The following OSBP variants were observed in gnomAD, a reference collection of about 807,000 sequenced individuals.
OSBP encodes the protein oxysterol binding protein.
Under a neutral mutation model 96.6 loss-of-function variants are expected in OSBP, and 32 were observed. The observed-to-expected ratio is 0.33, with a 90% confidence interval of 0.25 to 0.45. The LOEUF (loss-of-function observed/expected upper bound fraction) is 0.45, where lower values mean the gene tolerates loss of function less well. Ranked by LOEUF, OSBP falls within the 20% of genes least tolerant of loss-of-function variation. The pLI, the probability that OSBP is intolerant of heterozygous loss-of-function variation, is 1.00. For synonymous variants in OSBP, 369 were observed against 389.6 expected, an observed-to-expected ratio of 0.95 and a Z score of 0.62; for missense variants, 653 against 1,029.7, an observed-to-expected ratio of 0.63 and a Z score of 5.01.
At position 59,601,628 on chromosome 11, in the gene OSBP, T is replaced by C. The variant is rs772577048; in HGVS notation, c.1021+12A>G. ...ACCTTAGACCAGGCTACCTGAGAGC[T>C]AAGTGTCTTACCTTTACCAGAACCC... On this transcript the variant is annotated intron_variant, in intron 4 of 13. Transcript: ENST00000263847. The C allele has an allele frequency of 3.8e-5, 62 of 1,611,970 alleles. No homozygotes were observed. Among genetic ancestry groups the C allele is most frequent in the Non-Finnish European group, 5.2e-5 (61 of 1,179,666 alleles).
In OSBP at chr11:59,608,483, C is replaced by T; in HGVS notation, c.822+1G>A. ...GCAACACAGACACCATCTGCACTCA[C>T]GTTGATCATGGCATTGGATGTTATC... On this transcript the variant is annotated splice_donor_variant, in intron 3 of 13. Transcript: ENST00000263847. LOFTEE classifies it high-confidence loss of function. 3.1e-6 allele frequency: 5 copies of T among 1,614,162 alleles called. No homozygotes were observed. Among genetic ancestry groups the T allele is most frequent in the Non-Finnish European group, 4.2e-6 (5 of 1,180,014 alleles).
chr11:59,613,730 G>C (rs1452403023), intron 1 of OSBP, among the ~76,000 whole-genome samples: 2 of 152,312 alleles, frequency 1.3e-5, no homozygotes, highest in Middle Eastern at 3.4e-3. Flanking sequence ...AATCAATTCT[G>C]AATACAGTAA....
chr11:59,610,295 T>C (rs2134709542), intron 2 of OSBP, 86 bp downstream of exon 2: 2 of 1,115,768 alleles, frequency 1.8e-6, no homozygotes, highest in East Asian at 2.4e-5. Flanking sequence ...GATAATCAAA[T>C]GACACAGCAT....
intron 7 of OSBP, among the ~76,000 whole-genome samples, chr11:59,594,690 T>A (rs983031191): frequency 6.6e-6 from 1 of 152,268 alleles, no homozygotes; most frequent in Non-Finnish European, 1.5e-5. Context: ...AGTACAGCTA[T>A]ATCCTGACTA....
intron 3 of OSBP, among the ~76,000 whole-genome samples, chr11:59,603,475 C>A (rs570537641): frequency 6.6e-6 from 1 of 150,956 alleles, no homozygotes; most frequent in Non-Finnish European, 1.5e-5. Context: ...CCCTATTCAA[C>A]GGCTCAAAGT....
intron 7 of OSBP, 138 bp downstream of exon 7, chr11:59,600,358 A>T: frequency 1.1e-6 from 1 of 870,060 alleles, no homozygotes; most frequent in Non-Finnish European, 1.7e-6. Context: ...AAATTTATGG[A>T]ACAGTTTATG....
intron 1 of OSBP, among the ~76,000 whole-genome samples, chr11:59,614,448 T>A (rs1336876423): frequency 6.6e-6 from 1 of 152,234 alleles, no homozygotes; most frequent in Non-Finnish European, 1.5e-5. Context: ...TTAACTCCTC[T>A]ATCCTTTTTA....
chr11:59,600,613 C>T lies in OSBP; in HGVS notation c.1194G>A (p.Leu398=). 6.2e-7 allele frequency: 1 copy of T among 1,613,958 alleles called. No homozygotes were observed. Among genetic ancestry groups the T allele is most frequent in the Non-Finnish European group, 8.5e-7 (1 of 1,179,980 alleles). The change falls in exon 7 of 14, where the codon CTG becomes CTA. Residue 398 remains leucine, a synonymous_variant. Coordinates refer to ENST00000263847, the MANE Select transcript of OSBP (RefSeq NM_002556.3). ...TTCTCTTTTCCTTTTTGGTCTCCTC[C>T]AGCTGATGCTTGTACTGAGAGCAAA... The part of the protein sequence containing the change: ...ISLDEQYKHQ[L]EETKKEKRTR...
chr11:59,611,982 C>T (rs188013212), intron 1 of OSBP, among the ~76,000 whole-genome samples: 2 of 152,354 alleles, frequency 1.3e-5, no homozygotes, highest in East Asian at 1.9e-4. Context: ...CTGCACTTTT[C>T]CCTGTCCAAA....
chr11:59,600,291 A>G (rs12278910), intron 7 of OSBP, among the ~76,000 whole-genome samples: 25,893 of 152,152 alleles, frequency 0.17, 4,024 homozygotes, highest in African/African-American at 0.41. Flanking sequence ...GAGCATATAC[A>G]TCTGATTCTA....
At position 59,615,561 on chromosome 11, in the gene OSBP, C is replaced by G. The variant is rs1860916074; in HGVS notation, c.104G>C (p.Gly35Ala). 1.5e-6 allele frequency: 2 copies of G among 1,362,428 alleles called. No homozygotes were observed. The allele number at this position is 1,362,428 out of a possible 1,614,324, so 84.4% of individuals were successfully genotyped here. A position where few individuals can be genotyped will look rare whatever the true frequency, so the allele number is the denominator to read the frequency against. ...AGPPVVGGGG[G>A]RGDAGPGSGA... Reference sequence around the variant, plus strand: ...GGAGCCTGGCCCCGCATCTCCGCGGCCGCCGCCTCCTCCCACCACTGGGGG... The same window carrying G: ...GGAGCCTGGCCCCGCATCTCCGCGGGCGCCGCCTCCTCCCACCACTGGGGG... Residue 35 changes from glycine to alanine, a missense_variant, in exon 1 of 14, where the codon GGC (glycine) becomes GCC (alanine). By Grantham distance (60) the Gly-to-Ala change is moderately conservative. This residue lies in a region of OSBP where 151 missense variants were observed against 146.1 expected (regional missense o/e 1.03). Coordinates refer to ENST00000263847, the MANE Select transcript of OSBP (RefSeq NM_002556.3).
intron 1 of OSBP, among the ~76,000 whole-genome samples, chr11:59,611,698 A>T (rs757642895): frequency 8.5e-5 from 13 of 152,200 alleles, no homozygotes; most frequent in African/African-American, 1.2e-4. Flanking sequence ...GGAACTCCTA[A>T]GCCGTCTATT....
At chr11:59,593,018 G>C (rs906813166) in intron 9 of OSBP, among the ~76,000 whole-genome samples, 4 of 152,074 alleles carry the variant, frequency 2.6e-5, no homozygotes, top group African/African-American at 9.7e-5. Context: ...GGCTGGTCTT[G>C]AACTCCAGAG....
intron 7 of OSBP, among the ~76,000 whole-genome samples, chr11:59,598,681 C>T (rs1384437094): frequency 1.3e-5 from 2 of 152,160 alleles, no homozygotes; most frequent in African/African-American, 4.8e-5. Context: ...CCTCTGCCTC[C>T]TGGGTTCAAG....
At chr11:59,611,760 A>C (rs1459446539) in intron 1 of OSBP, among the ~76,000 whole-genome samples, 2 of 152,218 alleles carry the variant, frequency 1.3e-5, no homozygotes, top group East Asian at 3.9e-4. Flanking sequence ...GGGTGTAAAA[A>C]TTTTCCCGAT....
intron 3 of OSBP, among the ~76,000 whole-genome samples, chr11:59,604,717 G>A (rs1376252520): frequency 2.7e-5 from 4 of 150,106 alleles, no homozygotes; most frequent in African/African-American, 7.4e-5. Context: ...AAAGTTGAGT[G>A]TAGCAGCTCT....
At chr11:59,596,129 G>A (rs1203703324) in intron 7 of OSBP, among the ~76,000 whole-genome samples, 3 of 151,792 alleles carry the variant, frequency 2.0e-5, no homozygotes, top group African/African-American at 7.3e-5. Flanking sequence ...CACCAAAACA[G>A]TGTGCCATAC....
At chr11:59,593,517 CTGACTCTTTAGCCAG>C (rs1221814562) in intron 9 of OSBP, 72 bp downstream of exon 9, 1 of 1,474,772 alleles carries the variant, frequency 6.8e-7, no homozygotes, top group Non-Finnish European at 9.5e-7. Context: ...CTCCTGTCTC[CTGACTCTTTAGCCAG>C]TGACCTCCTC....
In OSBP at chr11:59,615,486, G is replaced by A. The variant is rs933173423; in HGVS notation, c.179C>T (p.Pro60Leu). ...VVAAAAGGPGPGAGGVAAAGP... is the reference protein window; with the variant it reads ...VVAAAAGGPGLGAGGVAAAGP... ...AGCCGCCGCCACTCCCCCGGCCCCC[G>A]GGCCCGGGCCTCCCGCCGCCGCCGC... Residue 60 changes from proline to leucine, a missense_variant, in exon 1 of 14, where the codon CCG (proline) becomes CTG (leucine). By Grantham distance (98) the Pro-to-Leu change is moderately conservative. Transcript: ENST00000263847. 1.2e-5 allele frequency: 15 copies of A among 1,209,060 alleles called. No homozygotes were observed. Among genetic ancestry groups the A allele is most frequent in the African/African-American group, 6.4e-5 (4 of 62,016 alleles). The allele number at this position is 1,209,060 out of a possible 1,614,324, so 74.9% of individuals were successfully genotyped here. A position where few individuals can be genotyped will look rare whatever the true frequency, so the allele number is the denominator to read the frequency against.
Sources: allele counts gnomAD v4.1 joint callset (sites outside exome capture counted in the v4.1 genomes callset), GRCh38; gene constraint gnomAD v4.1.1; regional missense constraint gnomAD v4.1.1; transcripts MANE v1.5; gene names NCBI Gene and HGNC (gene_info 2026-07-23, HGNC 2026-07-21).